The following PRAMEF2 variants were observed in gnomAD, a reference collection of about 807,000 sequenced individuals.
PRAMEF2 encodes the protein PRAME family member 2.
In PRAMEF2, 35 loss-of-function variants were observed where a neutral mutation model predicts 38.0. The ratio of observed to expected loss-of-function variants is 0.92; its 90% CI spans 0.70 to 1.22. The LOEUF is 1.22. PRAMEF2 is among the 50% of genes most tolerant of loss of function. PRAMEF2 has a pLI of 0.00. For missense variants in PRAMEF2, 562 were observed against 553.9 expected (o/e 1.01, Z -0.15); for synonymous variants, 240 against 232.4 (o/e 1.03, Z -0.30).
Position 12,859,093 on chromosome 1 carries a change from G to C in PRAMEF2, c.84G>C (p.Met28Ile), listed in dbSNP as rs181155957. 1 of 1,605,472 alleles carries C rather than the reference G, an allele frequency of 6.2e-7. No homozygotes were observed. The highest frequency in any genetic ancestry group is 8.5e-7 in the Non-Finnish European group (1 of 1,176,606). Residue 28 changes from methionine (M) to isoleucine (I), a missense_variant, in exon 2 of 4, where the codon ATG (methionine) becomes ATC (isoleucine). Met to Ile is a conservative substitution (Grantham distance 10). This residue lies in a region of PRAMEF2 where 486 missense variants were observed against 444.2 expected (regional missense o/e 1.09). Coordinates refer to ENST00000240189, the MANE Select transcript of PRAMEF2 (RefSeq NM_023014.1). ...LRDQALSISA[M>I]EELPRVLYLP... ...ACCAGGCCTTGTCCATCTCTGCCAT[G>C]GAGGAGCTGCCCAGGGTGCTCTATC...
chr1:12,859,014 G>A lies in PRAMEF2; in HGVS notation c.5G>A (p.Ser2Asn). The change falls in exon 2 of 4, where the codon AGC (serine) becomes AAC (asparagine). Residue 2 changes from serine (S) to asparagine (N), a missense_variant. By Grantham distance (46) the Ser-to-Asn change is conservative. This residue lies in a region of PRAMEF2 where 486 missense variants were observed against 444.2 expected (regional missense o/e 1.09). Coordinates refer to ENST00000240189, the MANE Select transcript of PRAMEF2 (RefSeq NM_023014.1). Reference sequence around the variant, plus strand: ...TTTTCTTGCAGATCCATCAGGATGAGCATCCAGGCCCCACCGAGACTACTG... The same window carrying A: ...TTTTCTTGCAGATCCATCAGGATGAACATCCAGGCCCCACCGAGACTACTG... M[S>N]IQAPPRLLEL... 2 of 1,595,666 alleles carry A rather than the reference G, an allele frequency of 1.3e-6. No homozygotes were observed. Among genetic ancestry groups the A allele is most frequent in the Non-Finnish European group, 8.5e-7 (1 of 1,173,638 alleles).
rs1344324861 is a variant in PRAMEF2 at position 12,859,099 on chromosome 1, G to A, written c.90G>A (p.Glu30=). 2 of 1,605,798 alleles carry A rather than the reference G, an allele frequency of 1.2e-6. No individual in the cohort carries two copies. Among genetic ancestry groups the A allele is most frequent in the Admixed American group, 3.4e-5 (2 of 57,974 alleles). The change falls in exon 2 of 4, where the codon GAG becomes GAA. Residue 30 remains glutamate, a synonymous_variant. Transcript: ENST00000240189. ...DQALSISAME[E]LPRVLYLPLF... The stretch of plus-strand genomic sequence containing the variant: ...CCTTGTCCATCTCTGCCATGGAGGA[G>A]CTGCCCAGGGTGCTCTATCTCCCAC...
intron 3 of PRAMEF2, 140 bp downstream of exon 3, chr1:12,860,411 C>T: frequency 6.7e-7 from 1 of 1,497,942 alleles, no homozygotes; most frequent in Non-Finnish European, 9.0e-7. Flanking sequence ...ACACATTGTC[C>T]CATTCAGTGT....
At position 12,859,722 on chromosome 1, in the gene PRAMEF2, G is replaced by C. The variant is rs781570449; in HGVS notation, c.317G>C (p.Arg106Pro). The C allele has an allele frequency of 6.2e-7, 1 of 1,606,652 alleles. No individual in the cohort carries two copies. The highest frequency in any genetic ancestry group is 1.1e-5 in the South Asian group (1 of 90,804). ...RRWKLQVLDL[R>P]DVDENFWARW... is the part of the protein sequence containing the mutation. ...TGGAAACTTCAAGTGCTGGATTTGC[G>C]GGATGTTGATGAGAATTTCTGGGCC... Residue 106 changes from arginine (R) to proline (P), a missense_variant, in exon 3 of 4, where the codon CGG becomes CCG. By Grantham distance (103) the Arg-to-Pro change is moderately radical. This residue lies in a region of PRAMEF2 where 486 missense variants were observed against 444.2 expected (regional missense o/e 1.09). Transcript: ENST00000240189.
chr1:12,858,853 C>G (rs1194051429), intron 1 of PRAMEF2, 132 bp from the exon 2 acceptor site: 9 of 1,058,900 alleles, frequency 8.5e-6, no homozygotes, highest in African/African-American at 6.4e-5. Flanking sequence ...TTGAGGCCAA[C>G]AAGCACAGTG....
Position 12,860,017 on chromosome 1 carries a change from T to A in PRAMEF2, c.612T>A (p.Ile204=). Reference sequence around the variant, plus strand: ...GAAAGTCATTGAAAATAATATACATTAATAGTATTGGGGAGCTGGAAATTC... The same window carrying A: ...GAAAGTCATTGAAAATAATATACATAAATAGTATTGGGGAGCTGGAAATTC... ...YLRKSLKIIY[I]NSIGELEIHN... is the part of the protein sequence containing the mutation. The change falls in exon 3 of 4, where the codon ATT becomes ATA. Residue 204 remains isoleucine, a synonymous_variant. Transcript: ENST00000240189. 1 of 1,603,478 alleles carries A rather than the reference T, an allele frequency of 6.2e-7. No homozygotes were observed. Among genetic ancestry groups the A allele is most frequent in the Non-Finnish European group, 8.5e-7 (1 of 1,174,650 alleles).
chr1:12,859,434 C>T, intron 2 of PRAMEF2, 138 bp downstream of exon 2: 2 of 1,499,472 alleles, frequency 1.3e-6, no homozygotes, highest in South Asian at 1.3e-5. Context: ...AGGCTTTGGC[C>T]ATTGTCCAGA....
At position 12,860,025 on chromosome 1, in the gene PRAMEF2, T is replaced by G; in HGVS notation, c.620T>G (p.Ile207Ser). Reference sequence around the variant, plus strand: ...TTGAAAATAATATACATTAATAGTATTGGGGAGCTGGAAATTCACAACACG... The same window carrying G: ...TTGAAAATAATATACATTAATAGTAGTGGGGAGCTGGAAATTCACAACACG... ...KSLKIIYINSIGELEIHNTCW... is the reference protein window; with the variant it reads ...KSLKIIYINSSGELEIHNTCW... The change falls in exon 3 of 4, where the codon ATT becomes AGT. Residue 207 changes from isoleucine (I) to serine (S), a missense_variant. Transcript: ENST00000240189. The G allele has an allele frequency of 2.5e-6, 4 of 1,606,924 alleles. No homozygotes were observed. In the South Asian group the frequency reaches 4.4e-5, roughly 18 times the overall value.
chr1:12,858,892 C>A lies in PRAMEF2; in HGVS notation c.-25-93C>A, dbSNP rs1276214725. 34 of 1,415,902 alleles carry A rather than the reference C, an allele frequency of 2.4e-5. No individual in the cohort carries two copies. The East Asian group carries it at 3.2e-4, about 13-fold the overall frequency. The allele number at this position is 1,415,902 out of a possible 1,614,324, so 87.7% of individuals were successfully genotyped here. ...TTGGGGTAAAGTGGTAATTTTTCTA[C>A]CTCTACCAGAGCAATGATATTGGTC... On this transcript the variant is annotated intron_variant, in intron 1 of 3. Transcript: ENST00000240189.
chr1:12,860,503 C>T (rs1372524170), intron 3 of PRAMEF2, among the ~76,000 whole-genome samples: 4 of 147,374 alleles, frequency 2.7e-5, no homozygotes, highest in African/African-American at 7.6e-5. Context: ...AGAGGGACAT[C>T]ATGTACAAGC....
intron 3 of PRAMEF2, 29 bp downstream of exon 3, chr1:12,860,300 A>C (rs1640526425): frequency 1.9e-6 from 3 of 1,604,618 alleles, no homozygotes; most frequent in Non-Finnish European, 2.6e-6. Context: ...CTTTGTATGC[A>C]GACCACAGCA....
At chr1:12,861,122 C>T in intron 3 of PRAMEF2, 99 bp from the exon 4 acceptor site, 2 of 1,367,610 alleles carry the variant, frequency 1.5e-6, no homozygotes, top group Non-Finnish European at 2.0e-6. Context: ...TGGGAACAAA[C>T]TTGTGTTTGG....
intron 3 of PRAMEF2, among the ~76,000 whole-genome samples, chr1:12,860,746 A>T (rs2100392279): frequency 6.6e-6 from 1 of 150,380 alleles, no homozygotes; most frequent in African/African-American, 2.4e-5. Flanking sequence ...ACTCCAGGAA[A>T]GGTAATTGAC....
At chr1:12,860,311 C>G in intron 3 of PRAMEF2, 40 bp downstream of exon 3, 1 of 1,602,028 alleles carries the variant, frequency 6.2e-7, no homozygotes, top group South Asian at 1.1e-5. Flanking sequence ...GACCACAGCA[C>G]AGACTTGTTC....
Position 12,859,773 on chromosome 1 carries a change from C to G in PRAMEF2, c.368C>G (p.Ser123Cys), listed in dbSNP as rs773137790. 37 of 1,606,642 alleles carry G rather than the reference C, an allele frequency of 2.3e-5. 1 individual carries two copies. The South Asian group carries it at 3.9e-4, about 17-fold the overall frequency. Residue 123 changes from serine (S) to cysteine (C), a missense_variant, in exon 3 of 4, where the codon TCC (serine) becomes TGC (cysteine). Coordinates refer to ENST00000240189, the MANE Select transcript of PRAMEF2 (RefSeq NM_023014.1). ...AGATGGCCTGGAGCCTGGGCCCTGTCCTGCTTCCCAGAGGCCATGAGTAAG... is the reference window on the plus strand; with the variant it reads ...AGATGGCCTGGAGCCTGGGCCCTGTGCTGCTTCCCAGAGGCCATGAGTAAG... The part of the protein sequence containing the change: ...WARWPGAWAL[S>C]CFPEAMSKRQ...
At position 12,861,281 on chromosome 1, in the gene PRAMEF2, C is replaced by G. The variant is rs368491327; in HGVS notation, c.927C>G (p.Asp309Glu). ...ELTCGNLLEE[D>E]LKCLSQFPSL... The stretch of plus-strand genomic sequence containing the variant: ...CTTGTGGCAACCTATTAGAAGAGGA[C>G]TTGAAGTGTCTCTCCCAGTTCCCAA... Residue 309 changes from aspartate to glutamate, a missense_variant, in exon 4 of 4, where the codon GAC (aspartate) becomes GAG (glutamate). Asp to Glu is a conservative substitution (Grantham distance 45). Around this residue, in one of 2 missense-constraint regions of PRAMEF2, gnomAD observed 486 missense variants for 444.2 expected, o/e 1.09. Coordinates refer to ENST00000240189, the MANE Select transcript of PRAMEF2 (RefSeq NM_023014.1). 6.2e-7 allele frequency: 1 copy of G among 1,607,664 alleles called. No individual in the cohort carries two copies. The highest frequency in any genetic ancestry group is 1.7e-5 in the Admixed American group (1 of 58,214).
chr1:12,861,046 G>C (rs1640539594), intron 3 of PRAMEF2, among the ~76,000 whole-genome samples, 175 bp from the exon 4 acceptor site: 1 of 149,946 alleles, frequency 6.7e-6, no homozygotes, highest in South Asian at 2.1e-4. Flanking sequence ...GGCTAAAATG[G>C]GACAGCCCCT....
At chr1:12,858,928 A>C in intron 1 of PRAMEF2, 57 bp from the exon 2 acceptor site, 1 of 1,528,908 alleles carries the variant, frequency 6.5e-7, no homozygotes, top group Non-Finnish European at 8.8e-7. Context: ...CTAGGAGAAG[A>C]TGAGGTGATT....
In PRAMEF2 at chr1:12,859,021, G is replaced by A; in HGVS notation, c.12G>A (p.Gln4=). 1 of 1,603,026 alleles carries A rather than the reference G, an allele frequency of 6.2e-7. No homozygotes were observed. The part of the protein sequence containing the change: MSI[Q]APPRLLELAG... ...GCAGATCCATCAGGATGAGCATCCAGGCCCCACCGAGACTACTGGAGCTGG... is the reference window on the plus strand; with the variant it reads ...GCAGATCCATCAGGATGAGCATCCAAGCCCCACCGAGACTACTGGAGCTGG... The change falls in exon 2 of 4, where the codon CAG becomes CAA. Residue 4 remains glutamine, a synonymous_variant. Transcript: ENST00000240189.
Sources: allele counts gnomAD v4.1 joint callset (sites outside exome capture counted in the v4.1 genomes callset), GRCh38; gene constraint gnomAD v4.1.1; regional missense constraint gnomAD v4.1.1; transcripts MANE v1.5; gene names NCBI Gene and HGNC (gene_info 2026-07-23, HGNC 2026-07-21).